The following SENP7 variants were observed in gnomAD, a reference collection of about 807,000 sequenced individuals.
SENP7 encodes the protein SUMO specific peptidase 7.
SENP7 carries 64 observed loss-of-function variants against 141.2 expected under a neutral mutation model. The observed-to-expected ratio is 0.45, with a 90% CI of 0.37 to 0.56. The LOEUF (loss-of-function observed/expected upper bound fraction) is 0.56. Among genes scored for constraint, SENP7 ranks in the 20% least tolerant of loss-of-function variants. SENP7 has a pLI of 0.00. For synonymous variants in SENP7, 382 were observed against 426.4 expected (o/e 0.90, Z 1.28); for missense variants, 1,025 against 1,212.2 (o/e 0.85, Z 2.29).
chr3:101,491,640 T>C (rs1363185373), intron 3 of SENP7, among the ~76,000 whole-genome samples: 1 of 152,238 alleles, frequency 6.6e-6, no homozygotes, highest in East Asian at 1.9e-4. Context: ...AGAAGTCACC[T>C]GGTCTCCTTT....
At chr3:101,478,375 G>A (rs933553620) in intron 3 of SENP7, among the ~76,000 whole-genome samples, 4 of 151,972 alleles carry the variant, frequency 2.6e-5, no homozygotes, top group African/African-American at 9.7e-5. Flanking sequence ...TTTTTAATTA[G>A]CCAGCCATGG....
At position 101,357,062 on chromosome 3, in the gene SENP7, G is replaced by A. The variant is rs543952209; in HGVS notation, c.1623+4653C>T. The stretch of plus-strand genomic sequence containing the variant: ...GTCACCCAGGCTGGAGTGCAATGGC[G>A]CAATCTCGGCTCACTGCAACCTCCG... On this transcript the variant is annotated intron_variant, in intron 11 of 23. Coordinates refer to ENST00000394095, the MANE Select transcript of SENP7 (RefSeq NM_020654.5). 7.9e-5 allele frequency among the ~76,000 whole-genome samples: 12 copies of A among 151,904 alleles called. No homozygotes were observed. The South Asian group carries it at 1.7e-3, about 21-fold the overall frequency.
At chr3:101,441,456 A>G (rs898537687) in intron 4 of SENP7, among the ~76,000 whole-genome samples, 2 of 152,094 alleles carry the variant, frequency 1.3e-5, no homozygotes, top group African/African-American at 4.8e-5. Context: ...CTGTGCCTAA[A>G]GACAGGGCTG....
chr3:101,427,848 C>T (rs1043027108), intron 4 of SENP7, among the ~76,000 whole-genome samples: 1 of 152,088 alleles, frequency 6.6e-6, no homozygotes, highest in African/African-American at 2.4e-5. Flanking sequence ...CCTCCCCCAG[C>T]CCCCCACTCC....
intron 12 of SENP7, among the ~76,000 whole-genome samples, chr3:101,349,214 T>G (rs1223816520): frequency 1.3e-5 from 2 of 152,144 alleles, no homozygotes; most frequent in Non-Finnish European, 2.9e-5. Flanking sequence ...CTGTAACTCT[T>G]CCATTCTGAA....
intron 3 of SENP7, among the ~76,000 whole-genome samples, chr3:101,465,032 G>A (rs7618600): frequency 0.1 from 15,163 of 152,048 alleles, 943 homozygotes; most frequent in African/African-American, 0.17. Context: ...CATGTCATCC[G>A]GAGAAACAAA....
intron 3 of SENP7, among the ~76,000 whole-genome samples, chr3:101,478,072 T>C (rs918469676): frequency 6.6e-6 from 1 of 151,258 alleles, no homozygotes; most frequent in Non-Finnish European, 1.5e-5. Context: ...ACCAGAGAAA[T>C]ACAAAAGATT....
chr3:101,448,188 G>A (rs1214584448), intron 4 of SENP7, among the ~76,000 whole-genome samples: 1 of 152,170 alleles, frequency 6.6e-6, no homozygotes, highest in African/African-American at 2.4e-5. Context: ...GGATTAGGCA[G>A]TGGTTTCTTA....
At chr3:101,399,720 G>C (rs913487416) in intron 5 of SENP7, among the ~76,000 whole-genome samples, 1 of 152,178 alleles carries the variant, frequency 6.6e-6, no homozygotes, top group Non-Finnish European at 1.5e-5. Flanking sequence ...TCGATCTCCT[G>C]GCCCAAGTAA....
intron 1 of SENP7, among the ~76,000 whole-genome samples, chr3:101,512,562 C>G (rs2065902518): frequency 6.6e-6 from 1 of 152,200 alleles, no homozygotes; most frequent in Non-Finnish European, 1.5e-5. Flanking sequence ...CGGGCCTGTT[C>G]AGCAGAACGA....
At chr3:101,430,162 T>C (rs1236816462) in intron 4 of SENP7, among the ~76,000 whole-genome samples, 1 of 152,194 alleles carries the variant, frequency 6.6e-6, no homozygotes, top group Non-Finnish European at 1.5e-5. Flanking sequence ...TTTTGTTGTG[T>C]CTCTGCCAGG....
chr3:101,387,176 T>C (rs943471925), intron 6 of SENP7, among the ~76,000 whole-genome samples: 2 of 152,014 alleles, frequency 1.3e-5, no homozygotes, highest in Non-Finnish European at 2.9e-5. Flanking sequence ...TCAGAGAGCA[T>C]AAGACTAGGT....
intron 6 of SENP7, among the ~76,000 whole-genome samples, chr3:101,381,632 GAA>G (rs1461473432): frequency 2.0e-5 from 3 of 151,898 alleles, no homozygotes; most frequent in Admixed American, 2.0e-4. Context: ...ATATTATTTT[GAA>G]AAGAGTGATA....
Position 101,324,630 on chromosome 3 carries a change from A to G in SENP7, c.*1313T>C, listed in dbSNP as rs1391477051. ...CAAAAGCTAAGAATACTGAGGCTTA[A>G]CTGACCCCGATTCGTATGATTTTGA... On this transcript the variant is annotated 3_prime_UTR_variant, in exon 24 of 24. Transcript: ENST00000394095. 1 of 152,070 alleles carries G rather than the reference A, an allele frequency of 6.6e-6. No homozygotes were observed. The highest frequency in any genetic ancestry group is 2.4e-5 in the African/African-American group (1 of 41,434). The allele number at this position is 152,070 out of a possible 1,614,324, so 9.4% of individuals were successfully genotyped here.
chr3:101,390,440 T>C (rs1213326579), intron 6 of SENP7, among the ~76,000 whole-genome samples: 1 of 152,130 alleles, frequency 6.6e-6, no homozygotes, highest in Admixed American at 6.5e-5. Context: ...CGGTTTCCAT[T>C]TGCAAATTTT....
At chr3:101,397,705 A>T (rs989681538) in intron 6 of SENP7, among the ~76,000 whole-genome samples, 1 of 152,242 alleles carries the variant, frequency 6.6e-6, no homozygotes, top group African/African-American at 2.4e-5. Flanking sequence ...AACTATAAGT[A>T]CTATTTAATG....
intron 1 of SENP7, among the ~76,000 whole-genome samples, chr3:101,501,556 C>T (rs3846092): frequency 0.15 from 21,190 of 142,136 alleles, 2,297 homozygotes; most frequent in African/African-American, 0.32. Flanking sequence ...AGTTCTACTA[C>T]ATATCTAAGC....
At chr3:101,415,974 T>C (rs4683901) in intron 5 of SENP7, among the ~76,000 whole-genome samples, 60,397 of 151,846 alleles carry the variant, frequency 0.4, 12,531 homozygotes, top group Admixed American at 0.54. Flanking sequence ...ATATGTTAAA[T>C]GACTGGATAT....
At chr3:101,359,147 T>C (rs749232305) in intron 11 of SENP7, 6 of 152,314 alleles carry the variant, frequency 3.9e-5, no homozygotes, top group Middle Eastern at 6.8e-3. Context: ...TAATTCATAC[T>C]GGCAAAACTC....
Sources: gnomAD v4.1 joint callset for allele counts (sites outside exome capture counted in the v4.1 genomes callset) on GRCh38, gnomAD v4.1.1 for gene constraint, MANE v1.5 for transcripts, NCBI Gene and HGNC (gene_info 2026-07-23, HGNC 2026-07-21) for gene names.